Variants in MALL observed in about 807,000 individuals in gnomAD.
MALL encodes the protein MAL-like protein.
Under a neutral mutation model 10.3 loss-of-function variants are expected in MALL, and 2 were observed. That is an observed-to-expected ratio of 0.19 (90% CI 0.08 to 0.61). The LOEUF (loss-of-function observed/expected upper bound fraction) is 0.61, where lower values mean the gene tolerates loss of function less well. Among genes scored for constraint, MALL ranks in the 20% least tolerant of loss-of-function variants. The probability of loss-of-function intolerance (pLI) is 0.88; values close to 1 mark genes in which losing one functional copy is unlikely to be tolerated. For missense variants in MALL, 39 were observed against 115.2 expected, an observed-to-expected ratio of 0.34 and a Z score of 3.03; for synonymous variants, 27 against 51.8, an observed-to-expected ratio of 0.52 and a Z score of 2.05.
chr2:110,108,020 G>C (rs1468145352), intron 1 of MALL, among the ~76,000 whole-genome samples: 1 of 152,136 alleles, frequency 6.6e-6, no homozygotes, highest in Non-Finnish European at 1.5e-5. Context: ...CACCCTGTAG[G>C]ACAAAAGAAT....
intron 1 of MALL, among the ~76,000 whole-genome samples, chr2:110,114,591 T>C (rs1678869659): frequency 6.6e-6 from 1 of 151,750 alleles, no homozygotes; most frequent in African/African-American, 2.4e-5. Context: ...GGGTTTCAGC[T>C]GGAGCCACTC....
chr2:110,109,779 A>T (rs1438844426), intron 1 of MALL, among the ~76,000 whole-genome samples: 1 of 152,142 alleles, frequency 6.6e-6, no homozygotes, highest in Non-Finnish European at 1.5e-5. Context: ...ATTCTATACA[A>T]CAGCACATGG....
At chr2:110,101,049 C>T (rs900648874) in intron 1 of MALL, among the ~76,000 whole-genome samples, 3 of 152,128 alleles carry the variant, frequency 2.0e-5, no homozygotes. Flanking sequence ...CTGCAAGTCT[C>T]CCTGTGGGTG....
At chr2:110,101,218 G>C (rs531761743) in intron 1 of MALL, among the ~76,000 whole-genome samples, 1 of 152,132 alleles carries the variant, frequency 6.6e-6, no homozygotes, top group Non-Finnish European at 1.5e-5. Flanking sequence ...AGGCAGAGGG[G>C]CATCCTCAGT....
chr2:110,105,700 T>C (rs1395148925), intron 1 of MALL, among the ~76,000 whole-genome samples: 1 of 152,164 alleles, frequency 6.6e-6, no homozygotes, highest in Non-Finnish European at 1.5e-5. Context: ...AGATGATTTC[T>C]CCTCCTGGAA....
At chr2:110,099,821 A>G (rs1244376112) in intron 1 of MALL, among the ~76,000 whole-genome samples, 1 of 152,034 alleles carries the variant, frequency 6.6e-6, no homozygotes, top group Non-Finnish European at 1.5e-5. Context: ...GAAATGGAGG[A>G]GGAGAAAGAG....
At chr2:110,111,969 A>G (rs1678811927) in intron 1 of MALL, among the ~76,000 whole-genome samples, 1 of 152,138 alleles carries the variant, frequency 6.6e-6, no homozygotes, top group Non-Finnish European at 1.5e-5. Flanking sequence ...GCAAACAAAA[A>G]CATAATGTGG....
chr2:110,117,271 A>T (rs947663336), upstream of MALL, among the ~76,000 whole-genome samples: 5 of 152,172 alleles, frequency 3.3e-5, no homozygotes, highest in Non-Finnish European at 7.4e-5. Context: ...AAAGGTTGCA[A>T]ATAAGCACTG....
intron 1 of MALL, among the ~76,000 whole-genome samples, chr2:110,108,139 C>G (rs571548616): frequency 7.2e-5 from 11 of 152,164 alleles, no homozygotes; most frequent in African/African-American, 2.6e-4. Context: ...TTCAATACCC[C>G]CCAAAATCAC....
At chr2:110,108,569 TG>T (rs1678741532) in intron 1 of MALL, among the ~76,000 whole-genome samples, 1 of 151,940 alleles carries the variant, frequency 6.6e-6, no homozygotes, top group South Asian at 2.1e-4. Flanking sequence ...TAAGAATAAC[TG>T]GCGTACCTGA....
chr2:110,113,308 G>A (rs1256070661), intron 1 of MALL, among the ~76,000 whole-genome samples: 1 of 151,404 alleles, frequency 6.6e-6, no homozygotes, highest in Non-Finnish European at 1.5e-5. Flanking sequence ...GCATGGTGGG[G>A]GCACCTGTAG....
intron 1 of MALL, among the ~76,000 whole-genome samples, chr2:110,110,496 A>G (rs1678780815): frequency 6.6e-6 from 1 of 152,118 alleles, no homozygotes; most frequent in African/African-American, 2.4e-5. Flanking sequence ...CTGGAAAAAT[A>G]CAACCCTCCT....
At chr2:110,095,176 CT>C (rs1325330963) in intron 1 of MALL, among the ~76,000 whole-genome samples, 1 of 152,116 alleles carries the variant, frequency 6.6e-6, no homozygotes, top group African/African-American at 2.4e-5. Context: ...GTTGTGAAAA[CT>C]TTGAGTATTT....
upstream of MALL, among the ~76,000 whole-genome samples, chr2:110,117,994 A>G (rs1469387176): frequency 6.6e-6 from 1 of 151,772 alleles, no homozygotes; most frequent in Non-Finnish European, 1.5e-5. Flanking sequence ...CAGGTACCAG[A>G]GGAAAGAAAA....
intron 1 of MALL, among the ~76,000 whole-genome samples, chr2:110,106,691 A>G (rs907371650): frequency 2.6e-5 from 4 of 152,126 alleles, no homozygotes; most frequent in African/African-American, 9.7e-5. Context: ...CACTTACTAC[A>G]CCACCCAGCA....
At chr2:110,101,926 A>G (rs1678571830) in intron 1 of MALL, among the ~76,000 whole-genome samples, 1 of 152,064 alleles carries the variant, frequency 6.6e-6, no homozygotes, top group Non-Finnish European at 1.5e-5. Flanking sequence ...AAGCACAGAA[A>G]TGCTGTAAAG....
chr2:110,096,956 T>C (rs1265840185), intron 1 of MALL, among the ~76,000 whole-genome samples: 1 of 151,980 alleles, frequency 6.6e-6, no homozygotes, highest in South Asian at 2.1e-4. Context: ...GTGAGCAAAA[T>C]GACAAATATA....
At chr2:110,097,433 C>G in intron 1 of MALL, 1 of 456,072 alleles carries the variant, frequency 2.2e-6, no homozygotes, top group Non-Finnish European at 4.4e-6. Context: ...GCACTGGAGT[C>G]TCACGGAGAA....
intron 1 of MALL, among the ~76,000 whole-genome samples, chr2:110,096,257 T>C (rs1409442594): frequency 6.6e-6 from 1 of 152,108 alleles, no homozygotes; most frequent in African/African-American, 2.4e-5. Context: ...CTGAGAAAGC[T>C]TGAGGCCAGC....
Sources: gnomAD v4.1 joint callset for allele counts (sites outside exome capture counted in the v4.1 genomes callset) on GRCh38, gnomAD v4.1.1 for gene constraint, MANE v1.5 for transcripts, NCBI Gene and HGNC (gene_info 2026-07-23, HGNC 2026-07-21) for gene names.